SPTLC1: variants seen among roughly 807,000 people sequenced by gnomAD.
The protein encoded by SPTLC1 is serine palmitoyltransferase 1.
In SPTLC1, 55 loss-of-function variants were observed where a neutral mutation model predicts 68.9. The ratio of observed to expected loss-of-function variants is 0.80; its 90% confidence interval spans 0.64 to 1.00. SPTLC1 has a LOEUF of 1.00. Among genes scored for constraint, SPTLC1 ranks in the 50% least tolerant of loss-of-function variants. The pLI, the probability that SPTLC1 is intolerant of heterozygous loss-of-function variation, is 0.00. For synonymous variants in SPTLC1, 197 were observed against 201.6 expected, an observed-to-expected ratio of 0.98 and a Z score of 0.19; for missense variants, 449 against 573.1, an observed-to-expected ratio of 0.78 and a Z score of 2.21.
At chr9:92,107,143 T>C (rs1836027911) in intron 3 of SPTLC1, among the ~76,000 whole-genome samples, 1 of 152,200 alleles carries the variant, frequency 6.6e-6, no homozygotes, top group African/African-American at 2.4e-5. Context: ...TCAAGAATAG[T>C]CTAGACAATT....
chr9:92,049,955 C>A lies in SPTLC1; in HGVS notation c.888+5G>T, dbSNP rs760514210. On this transcript the variant is annotated splice_donor_5th_base_variant and intron_variant, in intron 9 of 14. Transcript: ENST00000262554. ...GGGAAACGTTCTTAAAAAAGGGGAA[C>A]TTACATTGATTCCATAGTGTTCAGT... is the stretch of plus-strand genomic sequence containing the variant. 6.3e-7 allele frequency: 1 copy of A among 1,587,600 alleles called. No individual in the cohort carries two copies. Among genetic ancestry groups the A allele is most frequent in the Non-Finnish European group, 8.6e-7 (1 of 1,156,576 alleles).
chr9:92,052,533 T>C (rs887417387), intron 8 of SPTLC1, among the ~76,000 whole-genome samples: 1 of 150,834 alleles, frequency 6.6e-6, no homozygotes, highest in African/African-American at 2.4e-5. Flanking sequence ...TTATTATTAT[T>C]ATTTTTTTTT....
At chr9:92,082,347 G>C (rs1423985252) in intron 3 of SPTLC1, among the ~76,000 whole-genome samples, 1 of 151,310 alleles carries the variant, frequency 6.6e-6, no homozygotes, top group Non-Finnish European at 1.5e-5. Context: ...CCATTAACTT[G>C]TCATTTAGCA....
At chr9:92,090,898 A>G (rs1437789421) in intron 3 of SPTLC1, among the ~76,000 whole-genome samples, 1 of 152,118 alleles carries the variant, frequency 6.6e-6, no homozygotes, top group Non-Finnish European at 1.5e-5. Context: ...TGACTTATGA[A>G]TGGAAGTCAC....
chr9:92,032,682 C>G (rs1833011125), intron 14 of SPTLC1, 124 bp from the exon 15 acceptor site: 1 of 1,271,644 alleles, frequency 7.9e-7, no homozygotes, highest in Admixed American at 1.8e-5. Context: ...CGAGACCATC[C>G]TGGCTAACAC....
At chr9:92,082,133 TAC>T (rs1175626816) in intron 3 of SPTLC1, among the ~76,000 whole-genome samples, 1 of 152,154 alleles carries the variant, frequency 6.6e-6, no homozygotes, top group Non-Finnish European at 1.5e-5. Context: ...GGGGAGAGTC[TAC>T]CTCTCAGGGA....
At chr9:92,055,546 G>T in intron 7 of SPTLC1, 52 bp from the exon 8 acceptor site, 1 of 1,560,682 alleles carries the variant, frequency 6.4e-7, no homozygotes, top group Non-Finnish European at 8.8e-7. Context: ...CTGAAGACAA[G>T]ATCTGTTACA....
At chr9:92,079,060 A>C (rs1834782480) in intron 5 of SPTLC1, 1 of 944,368 alleles carries the variant, frequency 1.1e-6, no homozygotes, top group African/African-American at 1.8e-5. Flanking sequence ...CCAGCAATAA[A>C]TTCATTTAAA....
chr9:92,085,314 G>A (rs1394237792), intron 3 of SPTLC1, among the ~76,000 whole-genome samples: 2 of 145,992 alleles, frequency 1.4e-5, no homozygotes, highest in African/African-American at 5.1e-5. Context: ...TGCTTTTCTA[G>A]TTCTTTTAAT....
chr9:92,095,388 G>A (rs1472307652), intron 3 of SPTLC1, among the ~76,000 whole-genome samples: 1 of 152,190 alleles, frequency 6.6e-6, no homozygotes, highest in African/African-American at 2.4e-5. Flanking sequence ...AAATTCAAGG[G>A]AATATTAGGT....
At chr9:92,088,166 A>C (rs1323311846) in intron 3 of SPTLC1, among the ~76,000 whole-genome samples, 13 of 152,338 alleles carry the variant, frequency 8.5e-5, no homozygotes, top group South Asian at 2.1e-4. Flanking sequence ...TTCTTTGACT[A>C]GGAAAGGGAA....
Position 92,047,726 on chromosome 9 carries a change from G to A in SPTLC1, c.889-18C>T, listed in dbSNP as rs578230561. ...TCATCAATCTGCCGGAAAAGGAGGAGTGACAGTTATTCCACAGTTTAAAGA... is the reference window on the plus strand; with the variant it reads ...TCATCAATCTGCCGGAAAAGGAGGAATGACAGTTATTCCACAGTTTAAAGA... On this transcript the variant is annotated intron_variant, in intron 9 of 14. Coordinates refer to ENST00000262554, the MANE Select transcript of SPTLC1 (RefSeq NM_006415.4). 2.5e-5 allele frequency: 39 copies of A among 1,569,414 alleles called. No homozygotes were observed. The highest frequency in any genetic ancestry group is 2.1e-4 in the South Asian group (19 of 90,054).
chr9:92,090,137 C>G (rs1030257416), intron 3 of SPTLC1, among the ~76,000 whole-genome samples: 1 of 152,162 alleles, frequency 6.6e-6, no homozygotes, highest in Non-Finnish European at 1.5e-5. Context: ...TACCTAAAGA[C>G]TGGCAATAAG....
At chr9:92,055,588 A>G (rs1833861385) in intron 7 of SPTLC1, 94 bp from the exon 8 acceptor site, 1 of 1,237,710 alleles carries the variant, frequency 8.1e-7, no homozygotes. Flanking sequence ...TACAAGATTT[A>G]TTCCTAAAAA....
At chr9:92,084,888 G>C (rs945135008) in intron 3 of SPTLC1, among the ~76,000 whole-genome samples, 2 of 152,108 alleles carry the variant, frequency 1.3e-5, no homozygotes, top group African/African-American at 4.8e-5. Flanking sequence ...TTTTTGGTTG[G>C]TAAGCTATTG....
At chr9:92,112,369 G>T in intron 2 of SPTLC1, 86 bp downstream of exon 2, 1 of 957,274 alleles carries the variant, frequency 1.0e-6, no homozygotes, top group Non-Finnish European at 1.7e-6. Flanking sequence ...TAACACACAT[G>T]GTTGAGCCAC....
At chr9:92,097,593 T>C (rs1049026716) in intron 3 of SPTLC1, among the ~76,000 whole-genome samples, 1 of 152,206 alleles carries the variant, frequency 6.6e-6, no homozygotes, top group African/African-American at 2.4e-5. Flanking sequence ...GTATTGTTTA[T>C]TCCTTTTAAT....
intron 3 of SPTLC1, among the ~76,000 whole-genome samples, chr9:92,086,930 C>A (rs1451288353): frequency 6.6e-6 from 1 of 152,196 alleles, no homozygotes; most frequent in Non-Finnish European, 1.5e-5. Context: ...TTCTTGGAGG[C>A]TTTGTTTGTT....
chr9:92,066,770 G>A lies in SPTLC1; in HGVS notation c.560+1196C>T, dbSNP rs180704450. On this transcript the variant is annotated intron_variant, in intron 6 of 14. Transcript: ENST00000262554. ...ACAGTGGCTCACGCCTGTAATCCCA[G>A]GAGTTCAAGACCAGCCTGGCCAACA... is the stretch of plus-strand genomic sequence containing the variant. Among the ~76,000 whole-genome samples the A allele has an allele frequency of 2.6e-3, 390 of 152,262 alleles. 2 individuals carry two copies. Among genetic ancestry groups the A allele is most frequent in the African/African-American group, 8.9e-3 (369 of 41,550 alleles).
Sources: allele counts gnomAD v4.1 joint callset (sites outside exome capture counted in the v4.1 genomes callset), GRCh38; gene constraint gnomAD v4.1.1; transcripts MANE v1.5; gene names NCBI Gene and HGNC (gene_info 2026-07-23, HGNC 2026-07-21).